The following SLC35F3 variants were observed in gnomAD, a reference collection of about 807,000 sequenced individuals.
SLC35F3 encodes the protein solute carrier family 35 member F3, also known as putative thiamine transporter SLC35F3.
SLC35F3 carries 25 observed loss-of-function variants against 49.9 expected under a neutral mutation model. The observed-to-expected ratio is 0.50, with a 90% CI of 0.37 to 0.70. SLC35F3 has a LOEUF of 0.70. SLC35F3 is among the 30% of genes least tolerant of loss of function. SLC35F3 has a pLI of 0.00. For missense variants in SLC35F3, 525 were observed against 639.8 expected (o/e 0.82, Z 1.94); for synonymous variants, 275 against 265.4 (o/e 1.04, Z -0.35).
Position 234,158,762 on chromosome 1 carries a change from C to T in SLC35F3, c.284-72655C>T, listed in dbSNP as rs1485818836. Reference sequence around the variant, plus strand: ...GTTCCCTGTATTTTGCCAAATAATTCATTCTCTTTGTATTTTGTCAAGTAC... The same window carrying T: ...GTTCCCTGTATTTTGCCAAATAATTTATTCTCTTTGTATTTTGTCAAGTAC... On this transcript the variant is annotated intron_variant, in intron 2 of 7. Coordinates refer to ENST00000366618, the MANE Select transcript of SLC35F3 (RefSeq NM_173508.4). 2.6e-5 allele frequency among the ~76,000 whole-genome samples: 4 copies of T among 152,156 alleles called. No individual in the cohort carries two copies. In the East Asian group the frequency reaches 5.8e-4, roughly 22 times the overall value.
In SLC35F3 at chr1:234,296,018, AAAC is replaced by A. The variant is rs1668587229; in HGVS notation, c.609-13082_609-13080del. 4.6e-5 allele frequency among the ~76,000 whole-genome samples: 7 copies of A among 152,364 alleles called. No individual in the cohort carries two copies. In the South Asian group the frequency reaches 1.4e-3, roughly 32 times the overall value. On this transcript the variant is annotated intron_variant, in intron 3 of 7. Coordinates refer to ENST00000366618, the MANE Select transcript of SLC35F3 (RefSeq NM_173508.4). ...TGGTTCATCTCTTGACAGTTTAGTG[AAAC>A]TCAAACCAATCATTGCTGATGTGGA... is the stretch of plus-strand genomic sequence containing the variant.
intron 2 of SLC35F3, among the ~76,000 whole-genome samples, chr1:234,003,425 A>G (rs1663582377): frequency 6.6e-6 from 1 of 152,188 alleles, no homozygotes; most frequent in Non-Finnish European, 1.5e-5. Flanking sequence ...ACAGGAAAAA[A>G]CAGATTATTC....
At chr1:234,224,260 T>C (rs1667253371) in intron 2 of SLC35F3, among the ~76,000 whole-genome samples, 1 of 152,120 alleles carries the variant, frequency 6.6e-6, no homozygotes, top group Non-Finnish European at 1.5e-5. Context: ...AGAGATGGAG[T>C]TTCGCCATGT....
At chr1:234,238,777 T>TCTC (rs1168023949) in intron 3 of SLC35F3, among the ~76,000 whole-genome samples, 1 of 152,192 alleles carries the variant, frequency 6.6e-6, no homozygotes, top group Non-Finnish European at 1.5e-5. Flanking sequence ...TACCTCTTGA[T>TCTC]CTCCTTTTTT....
chr1:233,905,468 C>T lies in SLC35F3; in HGVS notation c.54-61C>T, dbSNP rs939645939. 6.3e-6 allele frequency: 8 copies of T among 1,262,748 alleles called. No homozygotes were observed. The East Asian group carries it at 1.0e-4, about 16-fold the overall frequency. The allele number at this position is 1,262,748 out of a possible 1,614,324, so 78.2% of individuals were successfully genotyped here. A position where few individuals can be genotyped will look rare whatever the true frequency, so the allele number is the denominator to read the frequency against. The stretch of plus-strand genomic sequence containing the variant: ...CCCTGGGATCTGCTCCTCACGAATC[C>T]CCTCCTCTCTGTCCATGCTCCCCCT... On this transcript the variant is annotated intron_variant, in intron 1 of 7. Transcript: ENST00000366618.
chr1:234,227,450 G>A (rs1353127691), intron 2 of SLC35F3, among the ~76,000 whole-genome samples: 3 of 142,768 alleles, frequency 2.1e-5, no homozygotes, highest in African/African-American at 7.5e-5. Context: ...CCAGGCTGGA[G>A]TCCAGTGGCG....
At chr1:234,112,556 C>CTTTTTTTTTTTTTTTTTTTT (rs777353110) in intron 2 of SLC35F3, among the ~76,000 whole-genome samples, 1 of 116,352 alleles carries the variant, frequency 8.6e-6, no homozygotes, top group Non-Finnish European at 1.8e-5. Context: ...AATTCACACT[C>CTTTTTTTTTTTTTTTTTTTT]TTTTTTTTTT....
At chr1:234,006,681 A>G (rs1426271917) in intron 2 of SLC35F3, among the ~76,000 whole-genome samples, 5 of 152,204 alleles carry the variant, frequency 3.3e-5, no homozygotes, top group Non-Finnish European at 7.3e-5. Flanking sequence ...TTTATTTAGC[A>G]CTTACTATGT....
chr1:233,953,823 G>A (rs954469842), intron 2 of SLC35F3, among the ~76,000 whole-genome samples: 3 of 152,162 alleles, frequency 2.0e-5, no homozygotes, highest in African/African-American at 7.2e-5. Context: ...AAAGAGGCAG[G>A]AACAGTACTG....
intron 2 of SLC35F3, among the ~76,000 whole-genome samples, chr1:234,194,048 T>C (rs992474347): frequency 2.6e-5 from 4 of 152,110 alleles, no homozygotes; most frequent in African/African-American, 9.7e-5. Context: ...TATTTAAAGT[T>C]TAATAGTTAA....
chr1:233,950,365 G>A (rs1571992795), intron 2 of SLC35F3, among the ~76,000 whole-genome samples: 1 of 108,076 alleles, frequency 9.3e-6, no homozygotes, highest in Non-Finnish European at 1.7e-5. Context: ...CAGCCTGGGT[G>A]ACAGAGCAAG....
chr1:233,974,577 C>A (rs1371425671), intron 2 of SLC35F3, among the ~76,000 whole-genome samples: 5 of 152,106 alleles, frequency 3.3e-5, no homozygotes, highest in African/African-American at 1.2e-4. Context: ...TCATAGTGGC[C>A]CAGTTAGCAC....
intron 2 of SLC35F3, among the ~76,000 whole-genome samples, chr1:233,981,800 C>A (rs963041787): frequency 6.6e-6 from 1 of 152,168 alleles, no homozygotes; most frequent in Non-Finnish European, 1.5e-5. Context: ...TGTGAATGAT[C>A]TCATTTCTCT....
Position 234,214,295 on chromosome 1 carries a change from C to T in SLC35F3, c.284-17122C>T. 4 of 1,286,880 alleles carry T rather than the reference C, an allele frequency of 3.1e-6. No individual in the cohort carries two copies. The highest frequency in any genetic ancestry group is 3.9e-6 in the Non-Finnish European group (4 of 1,020,682). 79.7% of individuals were successfully genotyped at this position (1,286,880 alleles called of 1,614,324 possible). A position where few individuals can be genotyped will look rare whatever the true frequency, so the allele number is the denominator to read the frequency against. On this transcript the variant is annotated intron_variant, in intron 2 of 7. Coordinates refer to ENST00000366618, the MANE Select transcript of SLC35F3 (RefSeq NM_173508.4). This position sits in a 1 kb window ranked among gnomAD's most constrained non-coding sequence, Gnocchi z 8.0. ...TGGCTGCGCGGCCGGGGAGGATGTG[C>T]GCTGCAGGGCGGCCGCCGCAGTGAG...
intron 2 of SLC35F3, among the ~76,000 whole-genome samples, chr1:233,996,542 T>TG (rs5781773): frequency 6.6e-6 from 1 of 151,756 alleles, no homozygotes; most frequent in Admixed American, 6.6e-5. Flanking sequence ...GATGAGGACT[T>TG]GGGGGGAATT....
At chr1:233,990,264 A>G (rs1329053205) in intron 2 of SLC35F3, among the ~76,000 whole-genome samples, 1 of 152,226 alleles carries the variant, frequency 6.6e-6, no homozygotes, top group Admixed American at 6.5e-5. Flanking sequence ...CTAGAAGTGC[A>G]TGCTCAAGTT....
At chr1:234,294,840 G>A (rs898899377) in intron 3 of SLC35F3, among the ~76,000 whole-genome samples, 4 of 152,112 alleles carry the variant, frequency 2.6e-5, no homozygotes, top group Non-Finnish European at 4.4e-5. Context: ...TCATGATAGA[G>A]CTCTGTGGAG....
intron 2 of SLC35F3, among the ~76,000 whole-genome samples, chr1:234,094,835 G>A (rs1665094512): frequency 6.6e-6 from 1 of 152,164 alleles, no homozygotes; most frequent in African/African-American, 2.4e-5. Flanking sequence ...AAAATGGCAG[G>A]AGAGATCAAT....
rs1250585926 is a variant in SLC35F3 at position 234,108,376 on chromosome 1, TTA to T, written c.284-123032_284-123031del. ...TATTTATATATATGATATATATTATTTATATATATAAAAGATATATATTTATA... is the reference window on the plus strand; with the variant it reads ...TATTTATATATATGATATATATTATTTATATATAAAAGATATATATTTATA... On this transcript the variant is annotated intron_variant, in intron 2 of 7. Transcript: ENST00000366618. Among the ~76,000 whole-genome samples, 53 of 95,430 alleles carry T rather than the reference TTA, an allele frequency of 5.6e-4. 2 individuals carry two copies. The East Asian group carries it at 0.076, about 137-fold the overall frequency. 62.6% of individuals were successfully genotyped at this position (95,430 alleles called of 152,430 possible).
Sources: gnomAD v4.1 joint callset for allele counts (sites outside exome capture counted in the v4.1 genomes callset) on GRCh38, gnomAD v4.1.1 for gene constraint, Gnocchi (gnomAD v3.1) non-coding constraint, MANE v1.5 for transcripts, NCBI Gene and HGNC (gene_info 2026-07-23, HGNC 2026-07-21) for gene names.